The following PCGF3 variants were observed in gnomAD, a reference collection of about 807,000 sequenced individuals.
PCGF3 encodes polycomb group RING finger protein 3.
PCGF3 carries 7 observed loss-of-function variants against 33.1 expected under a neutral mutation model. The observed-to-expected ratio is 0.21, with a 90% CI of 0.12 to 0.40. The LOEUF (loss-of-function observed/expected upper bound fraction) is 0.40, where lower values mean the gene tolerates loss of function less well. Among genes scored for constraint, PCGF3 ranks in the 10% least tolerant of loss-of-function variants. The pLI, the probability that PCGF3 is intolerant of heterozygous loss-of-function variation, is 1.00. For synonymous variants in PCGF3, 153 were observed against 121.3 expected (o/e 1.26, Z -1.72); for missense variants, 211 against 313.3 (o/e 0.67, Z 2.46).
chr4:736,188 C>G (rs1023538398), intron 5 of PCGF3, among the ~76,000 whole-genome samples: 1 of 152,066 alleles, frequency 6.6e-6, no homozygotes, highest in Non-Finnish European at 1.5e-5. Context: ...GCTGGAATTA[C>G]AGGCGCATGT....
intron 8 of PCGF3, among the ~76,000 whole-genome samples, chr4:748,919 G>C (rs903863339): frequency 3.3e-5 from 5 of 152,130 alleles, no homozygotes; most frequent in Non-Finnish European, 5.9e-5. Context: ...GGGGTCTGCT[G>C]GGTGGGCTGG....
chr4:728,324 TGTC>T (rs1743412045), intron 1 of PCGF3, among the ~76,000 whole-genome samples: 1 of 151,982 alleles, frequency 6.6e-6, no homozygotes, highest in South Asian at 2.1e-4. Flanking sequence ...GCATGTTAAG[TGTC>T]GTAAGTAATC....
chr4:715,344 G>T (rs1440352007), intron 1 of PCGF3, among the ~76,000 whole-genome samples: 3 of 136,666 alleles, frequency 2.2e-5, no homozygotes, highest in South Asian at 2.5e-4. Flanking sequence ...ACTGGGCGTC[G>T]GTGCTGGGAC....
chr4:708,784 AGGGGTGG>A (rs1742442347), intron 1 of PCGF3, among the ~76,000 whole-genome samples: 1 of 151,806 alleles, frequency 6.6e-6, no homozygotes, highest in South Asian at 2.1e-4. Flanking sequence ...GACTTGGAGG[AGGGGTGG>A]GGTCTGAGCT....
intron 9 of PCGF3, 133 bp downstream of exon 9, chr4:761,549 G>A: frequency 7.2e-7 from 1 of 1,395,460 alleles, no homozygotes; most frequent in Non-Finnish European, 9.6e-7. Context: ...AATCCGTTTT[G>A]CCTGCTTCAC....
intron 8 of PCGF3, among the ~76,000 whole-genome samples, chr4:755,345 A>T (rs1744721540): frequency 1.3e-5 from 2 of 152,068 alleles, no homozygotes; most frequent in African/African-American, 4.8e-5. Context: ...CCAGCGACTC[A>T]TCGCACGTCT....
At chr4:761,248 G>A (rs1369873926) in intron 8 of PCGF3, 31 bp from the exon 9 acceptor site, 2 of 1,548,228 alleles carry the variant, frequency 1.3e-6, no homozygotes, top group South Asian at 1.2e-5. Context: ...GAACCCTCCT[G>A]CTGCGCTCTC....
At chr4:706,685 G>A (rs1488131506) in intron 1 of PCGF3, among the ~76,000 whole-genome samples, 1 of 132,858 alleles carries the variant, frequency 7.5e-6, no homozygotes, top group African/African-American at 2.9e-5. Context: ...CAGGACCGCG[G>A]GAGGGCAGGG....
chr4:740,587 C>T (rs901880278), intron 6 of PCGF3, among the ~76,000 whole-genome samples: 13 of 152,054 alleles, frequency 8.5e-5, no homozygotes, highest in African/African-American at 3.1e-4. Context: ...TGCCTGTCAC[C>T]TCTTGCTTTA....
intron 1 of PCGF3, among the ~76,000 whole-genome samples, chr4:728,479 G>A (rs1028531809): frequency 9.2e-5 from 14 of 152,130 alleles, no homozygotes; most frequent in Admixed American, 4.6e-4. Flanking sequence ...GGCGTAGAGC[G>A]CGTTGGGGGG....
intron 5 of PCGF3, among the ~76,000 whole-genome samples, chr4:735,315 C>A (rs13142139): frequency 6.6e-6 from 1 of 152,096 alleles, no homozygotes; most frequent in African/African-American, 2.4e-5. Context: ...GGGAGGCCGA[C>A]ACAGGCAGAT....
chr4:758,458 C>A (rs1157354765), intron 8 of PCGF3, among the ~76,000 whole-genome samples: 1 of 137,168 alleles, frequency 7.3e-6, no homozygotes, highest in Non-Finnish European at 1.6e-5. Flanking sequence ...TTCCGGACTC[C>A]GGGTCTTTCT....
chr4:751,467 G>C (rs1346899315), intron 8 of PCGF3, among the ~76,000 whole-genome samples: 1 of 152,148 alleles, frequency 6.6e-6, no homozygotes, highest in Non-Finnish European at 1.5e-5. Flanking sequence ...TCACTTCTGA[G>C]CCCAGTGCGG....
rs1333371473 is a variant in PCGF3 at position 758,491 on chromosome 4, GCTC to G, written c.463-2787_463-2785del. The stretch of plus-strand genomic sequence containing the variant: ...TCTTCCCGTGCGGCCCCTCTCCCGA[GCTC>G]TTCTCGCTCCGGACTCTGGGTCTTT... On this transcript the variant is annotated intron_variant, in intron 8 of 10. Coordinates refer to ENST00000362003, the Ensembl canonical transcript of PCGF3. Among the ~76,000 whole-genome samples the G allele has an allele frequency of 2.0e-3, 253 of 126,742 alleles. 1 individual carries two copies. The highest frequency in any genetic ancestry group is 3.5e-3 in the South Asian group (13 of 3,708). 83.1% of individuals were successfully genotyped at this position (126,742 alleles called of 152,430 possible).
At chr4:766,229 C>T in exon 11 of PCGF3, 2 of 626,578 alleles carry the variant, frequency 3.2e-6, no homozygotes, top group South Asian at 1.9e-5. Context: ...AATTCACACT[C>T]AACAAGACAC....
exon 11 of PCGF3, chr4:766,128 T>C: frequency 1.3e-6 from 2 of 1,529,976 alleles, no homozygotes; most frequent in Non-Finnish European, 1.8e-6. Flanking sequence ...CCTTGGGTGC[T>C]CCCGGCCGCC....
intron 1 of PCGF3, among the ~76,000 whole-genome samples, chr4:711,474 G>T (rs1742562877): frequency 7.8e-6 from 1 of 128,624 alleles, no homozygotes; most frequent in South Asian, 2.6e-4. Flanking sequence ...TTTTTGAGAC[G>T]GAGTCTCGCT....
At chr4:727,028 C>A (rs994501478) in intron 1 of PCGF3, among the ~76,000 whole-genome samples, 2 of 152,166 alleles carry the variant, frequency 1.3e-5, no homozygotes, top group Non-Finnish European at 2.9e-5. Flanking sequence ...TGCGTCTGCC[C>A]CTCTCCCCTG....
chr4:768,103 G>T (rs575454089), exon 11 of PCGF3: 112 of 152,796 alleles, frequency 7.3e-4, no homozygotes, highest in African/African-American at 2.7e-3. Context: ...ACTTGACTTT[G>T]CAATGGTGCT....
Sources: gnomAD v4.1 joint callset for allele counts (sites outside exome capture counted in the v4.1 genomes callset) on GRCh38, gnomAD v4.1.1 for gene constraint, MANE v1.5 for transcripts, NCBI Gene and HGNC (gene_info 2026-07-23, HGNC 2026-07-21) for gene names.